OPRD1: variants seen among roughly 807,000 people sequenced by gnomAD.
OPRD1 encodes opioid receptor delta 1, also known as delta-type opioid receptor.
A neutral mutation model predicts 17.5 loss-of-function variants in OPRD1; 19 were observed. That is an observed-to-expected ratio of 1.09 (90% CI 0.76 to 1.60). OPRD1 has a LOEUF of 1.60. Ranked by LOEUF, OPRD1 falls within the 40% of genes most tolerant of loss-of-function variation. OPRD1 has a pLI of 0.00. For missense variants in OPRD1, 483 were observed against 547.2 expected (o/e 0.88, Z 1.17); for synonymous variants, 256 against 240.9 (o/e 1.06, Z -0.58).
At chr1:28,848,481 G>T (rs2088971770) in intron 1 of OPRD1, among the ~76,000 whole-genome samples, 1 of 152,108 alleles carries the variant, frequency 6.6e-6, no homozygotes, top group African/African-American at 2.4e-5. Context: ...GTAATAGCAG[G>T]TAACTGTTCA....
rs1479978965 is a variant in OPRD1, at chr1:28,845,435, C to T, written c.228-13519C>T. ...CAGAGGTTGCAGTGAGCCGAGATTG[C>T]ACCACTGCACTCCAGCCTGGGCGAC... On this transcript the variant is annotated intron_variant, in intron 1 of 2. Coordinates refer to ENST00000234961, the MANE Select transcript of OPRD1 (RefSeq NM_000911.4). Among the ~76,000 whole-genome samples, 8 of 149,748 alleles carry T rather than the reference C, an allele frequency of 5.3e-5. No individual in the cohort carries two copies. The Middle Eastern group carries it at 0.01, about 192-fold the overall frequency.
chr1:28,852,445 T>C (rs1385445066), intron 1 of OPRD1, among the ~76,000 whole-genome samples: 1 of 152,182 alleles, frequency 6.6e-6, no homozygotes, highest in Non-Finnish European at 1.5e-5. Context: ...GGCTTAGCAG[T>C]GGACAATATC....
Position 28,859,079 on chromosome 1 carries a change from A to G in OPRD1, c.353A>G (p.Glu118Gly). The G allele has an allele frequency of 6.2e-7, 1 of 1,614,210 alleles. No individual in the cohort carries two copies. Among genetic ancestry groups the G allele is most frequent in the Non-Finnish European group, 8.5e-7 (1 of 1,180,044 alleles). The change falls in exon 2 of 3, where the codon GAG (glutamate) becomes GGG (glycine). Residue 118 changes from glutamate (E) to glycine (G), a missense_variant. By Grantham distance (98) the Glu-to-Gly change is moderately conservative. Transcript: ENST00000234961. ...CTGATGGAGACGTGGCCCTTCGGCG[A>G]GCTGCTCTGCAAGGCTGTGCTCTCC... ...KYLMETWPFG[E>G]LLCKAVLSID...
intron 1 of OPRD1, among the ~76,000 whole-genome samples, chr1:28,853,102 T>TA (rs2147746877): frequency 6.6e-6 from 1 of 152,332 alleles, no homozygotes; most frequent in African/African-American, 2.4e-5. Flanking sequence ...TGTGATGAGT[T>TA]AGCCCTCATC....
At chr1:28,835,249 G>A (rs2124271256) in intron 1 of OPRD1, among the ~76,000 whole-genome samples, 1 of 152,298 alleles carries the variant, frequency 6.6e-6, no homozygotes, top group East Asian at 1.9e-4. Flanking sequence ...CAGAGCCAGG[G>A]TGGTGGGGAG....
chr1:28,829,518 G>A (rs1384074462), intron 1 of OPRD1, among the ~76,000 whole-genome samples: 2 of 151,642 alleles, frequency 1.3e-5, no homozygotes, highest in East Asian at 1.9e-4. Context: ...ACAGGTGCCC[G>A]CCACCACACC....
Position 28,812,325 on chromosome 1 carries a change from C to T in OPRD1, c.-59C>T, listed in dbSNP as rs2088636417. On this transcript the variant is annotated 5_prime_UTR_variant, in exon 1 of 3. Coordinates refer to ENST00000234961, the MANE Select transcript of OPRD1 (RefSeq NM_000911.4). ...CTCTGCCTTGCCGCTCCCCTCGCGT[C>T]GGATCCCCGCGCCCAGGGCGCACGG... 1 of 1,198,794 alleles carries T rather than the reference C, an allele frequency of 8.3e-7. No individual in the cohort carries two copies. Among genetic ancestry groups the T allele is most frequent in the Admixed American group, 4.3e-5 (1 of 23,128 alleles). The allele number at this position is 1,198,794 out of a possible 1,614,324, so 74.3% of individuals were successfully genotyped here.
chr1:28,847,517 G>T (rs2088964502), intron 1 of OPRD1, among the ~76,000 whole-genome samples: 1 of 152,198 alleles, frequency 6.6e-6, no homozygotes, highest in African/African-American at 2.4e-5. Flanking sequence ...GGGAGAAGCA[G>T]TCTCTGTGGA....
At chr1:28,823,907 G>T (rs1374944431) in intron 1 of OPRD1, among the ~76,000 whole-genome samples, 2 of 150,606 alleles carry the variant, frequency 1.3e-5, no homozygotes, top group African/African-American at 4.9e-5. Flanking sequence ...GCCGGGTGCG[G>T]TGGCTAACAC....
At chr1:28,835,984 G>T (rs946653572) in intron 1 of OPRD1, among the ~76,000 whole-genome samples, 2 of 152,206 alleles carry the variant, frequency 1.3e-5, no homozygotes, top group African/African-American at 4.8e-5. Context: ...TGCCACTTAG[G>T]AGGGAGACTG....
intron 1 of OPRD1, among the ~76,000 whole-genome samples, chr1:28,844,358 A>C (rs990592025): frequency 1.3e-5 from 2 of 152,020 alleles, no homozygotes; most frequent in Non-Finnish European, 2.9e-5. Flanking sequence ...TGGTGTAATC[A>C]TGGCTCACTG....
At chr1:28,862,191 A>G (rs1256438969) in intron 2 of OPRD1, among the ~76,000 whole-genome samples, 2 of 151,990 alleles carry the variant, frequency 1.3e-5, no homozygotes, top group African/African-American at 2.4e-5. Flanking sequence ...TGCTGGGATT[A>G]CAGGCGTGAA....
At chr1:28,828,583 A>T (rs1030733504) in intron 1 of OPRD1, among the ~76,000 whole-genome samples, 4 of 151,740 alleles carry the variant, frequency 2.6e-5, no homozygotes, top group Middle Eastern at 3.4e-3. Context: ...GCACTTTGGA[A>T]GCCGAAGAGG....
intron 1 of OPRD1, among the ~76,000 whole-genome samples, chr1:28,848,108 C>G (rs1403033683): frequency 6.6e-6 from 1 of 151,826 alleles, no homozygotes; most frequent in Non-Finnish European, 1.5e-5. Context: ...ATTAGCCGGG[C>G]GGGATGGCGG....
At chr1:28,814,396 T>G (rs756737840) in intron 1 of OPRD1, among the ~76,000 whole-genome samples, 1 of 152,186 alleles carries the variant, frequency 6.6e-6, no homozygotes, top group East Asian at 1.9e-4. Context: ...GGACGCTGTC[T>G]GTATAGCGAG....
chr1:28,826,135 C>T (rs1460240755), intron 1 of OPRD1, among the ~76,000 whole-genome samples: 2 of 152,100 alleles, frequency 1.3e-5, no homozygotes, highest in African/African-American at 2.4e-5. Flanking sequence ...ACAGGCATAC[C>T]TCAGAGATAC....
At position 28,819,284 on chromosome 1, in the gene OPRD1, CA is replaced by C. The variant is rs540367377; in HGVS notation, c.227+6684del. 7.4e-4 allele frequency among the ~76,000 whole-genome samples: 109 copies of C among 146,420 alleles called. 1 individual carries two copies. The highest frequency in any genetic ancestry group is 6.5e-3 in the South Asian group (30 of 4,620). On this transcript the variant is annotated intron_variant, in intron 1 of 2. Coordinates refer to ENST00000234961, the MANE Select transcript of OPRD1 (RefSeq NM_000911.4). ...TGGACAACATAGCAAGACCCCATTTCAAAAAAAAAAGGAAGGAGGCAGCAGG... is the reference window on the plus strand; with the variant it reads ...TGGACAACATAGCAAGACCCCATTTCAAAAAAAAAGGAAGGAGGCAGCAGG...
chr1:28,849,272 G>A (rs114582496), intron 1 of OPRD1, among the ~76,000 whole-genome samples: 1 of 152,014 alleles, frequency 6.6e-6, no homozygotes, highest in Non-Finnish European at 1.5e-5. Flanking sequence ...GAGATGGGGG[G>A]ACTCCCGGGC....
rs1368753821 is a variant in OPRD1, at chr1:28,862,964, T to G, written c.800T>G (p.Val267Gly). The change falls in exon 3 of 3, where the codon GTG becomes GGG. Residue 267 changes from valine (V) to glycine (G), a missense_variant. By Grantham distance (109) the Val-to-Gly change is moderately radical. Transcript: ENST00000234961. ...ATCACGCGCATGGTGCTGGTGGTTG[T>G]GGGCGCCTTCGTGGTGTGTTGGGCG... ...RRITRMVLVV[V>G]GAFVVCWAPI... The G allele has an allele frequency of 6.2e-7, 1 of 1,612,202 alleles. No homozygotes were observed. The highest frequency in any genetic ancestry group is 1.7e-5 in the Admixed American group (1 of 59,762).
Sources: allele counts gnomAD v4.1 joint callset (sites outside exome capture counted in the v4.1 genomes callset), GRCh38; gene constraint gnomAD v4.1.1; transcripts MANE v1.5; gene names NCBI Gene and HGNC (gene_info 2026-07-23, HGNC 2026-07-21).